SERINC2: variants seen among roughly 807,000 people sequenced by gnomAD.
SERINC2 encodes the protein tumor differentially expressed protein 2.
SERINC2 carries 56 observed loss-of-function variants against 54.2 expected under a neutral mutation model. That is an observed-to-expected ratio of 1.03 (90% CI 0.83 to 1.29). The LOEUF is 1.29. Among genes scored for constraint, SERINC2 ranks in the 50% most tolerant of loss-of-function variants. The probability of loss-of-function intolerance (pLI) is 0.00; values close to 1 mark genes in which losing one functional copy is unlikely to be tolerated. For synonymous variants in SERINC2, 272 were observed against 253.1 expected (o/e 1.07, Z -0.71); for missense variants, 614 against 607.4 (o/e 1.01, Z -0.12).
intron 8 of SERINC2, among the ~76,000 whole-genome samples, chr1:31,431,479 C>A (rs1328500388): frequency 1.3e-5 from 2 of 152,028 alleles, no homozygotes; most frequent in Admixed American, 6.6e-5. Flanking sequence ...AGGCCATGAG[C>A]ACATGGTGGC....
chr1:31,411,783 A>C (rs1640652243), upstream of SERINC2, among the ~76,000 whole-genome samples: 1 of 152,076 alleles, frequency 6.6e-6, no homozygotes, highest in South Asian at 2.1e-4. Context: ...GGATTGCTTA[A>C]GCCCAGGAGT....
intron 6 of SERINC2, among the ~76,000 whole-genome samples, chr1:31,428,432 A>G (rs1053801517): frequency 1.1e-4 from 16 of 152,192 alleles, no homozygotes; most frequent in Admixed American, 2.6e-4. Context: ...GACTAGGCCC[A>G]GTGAGGTGAT....
intron 8 of SERINC2, among the ~76,000 whole-genome samples, chr1:31,432,529 T>C (rs1472482143): frequency 6.6e-6 from 1 of 152,108 alleles, no homozygotes; most frequent in Admixed American, 6.5e-5. Flanking sequence ...CGTGATTAAT[T>C]ATTAACATTC....
chr1:31,411,048 T>C (rs1640640041), upstream of SERINC2, among the ~76,000 whole-genome samples: 1 of 152,094 alleles, frequency 6.6e-6, no homozygotes, highest in South Asian at 2.1e-4. Flanking sequence ...TGGTAAAAGG[T>C]CAGACATTCA....
intron 1 of SERINC2, among the ~76,000 whole-genome samples, chr1:31,420,736 T>C (rs1640884353): frequency 6.6e-6 from 1 of 152,168 alleles, no homozygotes; most frequent in South Asian, 2.1e-4. Flanking sequence ...AGTTTTCCCA[T>C]TTGAAAATGG....
Position 31,423,718 on chromosome 1 carries a change from C to T in SERINC2, c.65C>T (p.Pro22Leu). ...GCGTCCTGCCTCTGCGGCTCTGCCC[C>T]CTGCATCCTGTGCAGCTGCTGCCCC... ...SCASCLCGSAPCILCSCCPAS... is the reference protein window; with the variant it reads ...SCASCLCGSALCILCSCCPAS... The change falls in exon 2 of 10, where the codon CCC becomes CTC. Residue 22 changes from proline (P) to leucine (L), a missense_variant. Pro to Leu is a moderately conservative substitution (Grantham distance 98). Coordinates refer to ENST00000373709, the MANE Select transcript of SERINC2 (RefSeq NM_178865.5). The T allele has an allele frequency of 6.2e-7, 1 of 1,611,362 alleles. No homozygotes were observed. The highest frequency in any genetic ancestry group is 1.1e-5 in the South Asian group (1 of 91,078).
intron 2 of SERINC2, 102 bp from the exon 3 acceptor site, chr1:31,424,581 T>C: frequency 9.8e-7 from 1 of 1,015,736 alleles, no homozygotes. Context: ...GGAGAGCCTC[T>C]TTCCTGGCCG....
intron 7 of SERINC2, 145 bp downstream of exon 7, chr1:31,429,213 G>A: frequency 2.0e-6 from 2 of 986,670 alleles, no homozygotes; most frequent in Non-Finnish European, 3.1e-6. Context: ...AGATGGGAGG[G>A]CCCCGTCTGT....
chr1:31,432,471 AC>A (rs1641333872), intron 8 of SERINC2, among the ~76,000 whole-genome samples: 2 of 152,080 alleles, frequency 1.3e-5, no homozygotes, highest in Admixed American at 6.5e-5. Context: ...CATTGGTAAA[AC>A]CACCTGACAC....
upstream of SERINC2, chr1:31,410,469 G>C (rs1553131346): frequency 6.5e-7 from 1 of 1,549,120 alleles, no homozygotes; most frequent in Admixed American, 2.0e-5. Flanking sequence ...GCGTGTGAGA[G>C]CCCAGCCGGC....
chr1:31,423,889 C>A (rs375155489), intron 2 of SERINC2, 35 bp downstream of exon 2: 16 of 1,599,438 alleles, frequency 1.0e-5, no homozygotes, highest in Non-Finnish European at 1.4e-5. Context: ...CGGCCTCCAG[C>A]GAGGGGCGTC....
At chr1:31,430,572 G>A (rs148086503) in intron 8 of SERINC2, among the ~76,000 whole-genome samples, 43 of 152,300 alleles carry the variant, frequency 2.8e-4, no homozygotes, top group African/African-American at 9.1e-4. Context: ...TGAGGAGGCC[G>A]AGGTAGGAGG....
chr1:31,434,250 G>A lies in SERINC2; in HGVS notation c.*51G>A, dbSNP rs782180001. 33 of 1,582,932 alleles carry A rather than the reference G, an allele frequency of 2.1e-5. No homozygotes were observed. Among genetic ancestry groups the A allele is most frequent in the East Asian group, 8.9e-5 (4 of 44,746 alleles). ...TGCCTCCTGCCACCTGGTGCCTCTC[G>A]GCTCAGTGACAGCCAACCTGCCCCC... On this transcript the variant is annotated 3_prime_UTR_variant, in exon 10 of 10. Transcript: ENST00000373709.
At chr1:31,420,977 A>G (rs1027188949) in intron 1 of SERINC2, among the ~76,000 whole-genome samples, 15 of 152,142 alleles carry the variant, frequency 9.9e-5, no homozygotes, top group African/African-American at 3.6e-4. Context: ...TGATACCCAG[A>G]ATGTTCTTTA....
Position 31,423,846 on chromosome 1 carries a change from C to T in SERINC2, c.193C>T (p.Leu65Phe), listed in dbSNP as rs1553133090. 7 of 1,613,768 alleles carry T rather than the reference C, an allele frequency of 4.3e-6. No homozygotes were observed. In the African/African-American group the frequency reaches 8.0e-5, roughly 18 times the overall value. ...GCTGAGCCCGGGCGTGGAGAGTCAG[C>T]TCTACAAGGTGAGTGCCCCAGGGGA... ...IMLSPGVESQLYKLPWVCEEG... is the reference protein window; with the variant it reads ...IMLSPGVESQFYKLPWVCEEG... Residue 65 changes from leucine to phenylalanine, a missense_variant, in exon 2 of 10, where the codon CTC becomes TTC. Coordinates refer to ENST00000373709, the MANE Select transcript of SERINC2 (RefSeq NM_178865.5).
chr1:31,424,916 G>T, intron 3 of SERINC2, 43 bp downstream of exon 3: 2 of 1,534,176 alleles, frequency 1.3e-6, no homozygotes, highest in Non-Finnish European at 1.8e-6. Flanking sequence ...CCTTCCCCCA[G>T]TGCCTTGCCC....
At chr1:31,432,230 G>GGGTGGAGAGGGTGGAGA (rs1553134789) in intron 8 of SERINC2, among the ~76,000 whole-genome samples, 1 of 151,572 alleles carries the variant, frequency 6.6e-6, no homozygotes, top group African/African-American at 2.4e-5. Context: ...AGGGTGGATA[G>GGGTGGAGAGGGTGGAGA]GGACCCACTG....
chr1:31,414,129 C>T lies in SERINC2; in HGVS notation c.39+825C>T, dbSNP rs74063720. 546 of 1,426,318 alleles carry T rather than the reference C, an allele frequency of 3.8e-4. 4 individuals are homozygous for T. In the African/African-American group the frequency reaches 7.0e-3, roughly 18 times the overall value. The allele number at this position is 1,426,318 out of a possible 1,614,324, so 88.4% of individuals were successfully genotyped here. On this transcript the variant is annotated intron_variant, in intron 1 of 9. Transcript: ENST00000373709. Reference sequence around the variant, plus strand: ...GGGAGAGCAGGAATCGAGGGAGGTTCGGGTGTGCGCGGGGAGTGCCCGGTC... The same window carrying T: ...GGGAGAGCAGGAATCGAGGGAGGTTTGGGTGTGCGCGGGGAGTGCCCGGTC...
intron 1 of SERINC2, chr1:31,414,188 G>C (rs1350301402): frequency 7.3e-7 from 1 of 1,369,184 alleles, no homozygotes; most frequent in African/African-American, 1.5e-5. Context: ...GCCAACCTCT[G>C]TTCTGTAGCT....
Sources: gnomAD v4.1 joint callset for allele counts (sites outside exome capture counted in the v4.1 genomes callset) on GRCh38, gnomAD v4.1.1 for gene constraint, MANE v1.5 for transcripts, NCBI Gene and HGNC (gene_info 2026-07-23, HGNC 2026-07-21) for gene names.